Variants in XIRP2 observed in about 807,000 individuals in gnomAD.
The protein encoded by XIRP2 is xin actin-binding repeat-containing protein 2.
A neutral mutation model predicts 277.0 loss-of-function variants in XIRP2; 236 were observed. That is an observed-to-expected ratio of 0.85 (90% CI 0.77 to 0.95). The LOEUF (loss-of-function observed/expected upper bound fraction) is 0.95, where lower values mean the gene tolerates loss of function less well. XIRP2 is among the 40% of genes least tolerant of loss of function. The pLI, the probability that XIRP2 is intolerant of heterozygous loss-of-function variation, is 0.00. For missense variants in XIRP2, 4,640 were observed against 4,157.5 expected, an observed-to-expected ratio of 1.12 and a Z score of -3.19; for synonymous variants, 1,490 against 1,416.5, an observed-to-expected ratio of 1.05 and a Z score of -1.17.
intron 2 of XIRP2, among the ~76,000 whole-genome samples, chr2:167,021,763 TG>T (rs1476070686): frequency 5.3e-5 from 8 of 152,054 alleles, no homozygotes; most frequent in African/African-American, 1.9e-4. Context: ...AGATTGAGGC[TG>T]TGGTGAGCCG....
chr2:167,240,866 G>A, intron 7 of XIRP2, 130 bp downstream of exon 7: 1 of 763,036 alleles, frequency 1.3e-6, no homozygotes. Context: ...TGGTTCCAGG[G>A]AGAGCTGAGT....
At chr2:167,033,497 T>C (rs1265736850) in intron 2 of XIRP2, among the ~76,000 whole-genome samples, 3 of 152,034 alleles carry the variant, frequency 2.0e-5, no homozygotes, top group Non-Finnish European at 2.9e-5. Flanking sequence ...TCTGGAGAAA[T>C]ATATCAATAT....
intron 10 of XIRP2, among the ~76,000 whole-genome samples, chr2:167,255,499 C>G (rs1695630940): frequency 6.6e-6 from 1 of 151,710 alleles, no homozygotes; most frequent in African/African-American, 2.4e-5. Context: ...AATTTCTGCC[C>G]CATAAATACC....
intron 3 of XIRP2, among the ~76,000 whole-genome samples, chr2:167,175,429 A>C (rs1156683476): frequency 6.6e-6 from 1 of 151,716 alleles, no homozygotes; most frequent in Non-Finnish European, 1.5e-5. Context: ...CTGGAGGTCC[A>C]CTCCAGTCCC....
At chr2:167,190,308 G>A (rs79518491) in intron 3 of XIRP2, among the ~76,000 whole-genome samples, 4,339 of 152,084 alleles carry the variant, frequency 0.029, 92 homozygotes, top group African/African-American at 0.052. Context: ...ACATGGGGTT[G>A]AATGTTCTAA....
intron 3 of XIRP2, among the ~76,000 whole-genome samples, chr2:167,162,442 C>G (rs951093450): frequency 1.3e-5 from 2 of 152,102 alleles, no homozygotes; most frequent in Non-Finnish European, 2.9e-5. Flanking sequence ...GTAGAAGACA[C>G]ATATCACACT....
intron 2 of XIRP2, among the ~76,000 whole-genome samples, chr2:166,988,670 G>A (rs1687084179): frequency 9.0e-6 from 1 of 111,294 alleles, no homozygotes; most frequent in Non-Finnish European, 1.8e-5. Context: ...AAGGGGTCAG[G>A]GAGTTCCCTT....
At chr2:166,931,755 C>G (rs867685662) in intron 2 of XIRP2, among the ~76,000 whole-genome samples, 3 of 152,080 alleles carry the variant, frequency 2.0e-5, no homozygotes, top group Admixed American at 1.3e-4. Context: ...TACACATGAA[C>G]TTTTGTGGAC....
intron 1 of XIRP2, among the ~76,000 whole-genome samples, chr2:166,891,602 A>G (rs1442280240): frequency 1.3e-5 from 2 of 152,022 alleles, no homozygotes; most frequent in Admixed American, 6.5e-5. Context: ...GCCAAAACTA[A>G]TTAAAATTTC....
intron 3 of XIRP2, among the ~76,000 whole-genome samples, chr2:167,199,376 C>A (rs1693612907): frequency 6.6e-6 from 1 of 152,178 alleles, no homozygotes; most frequent in Non-Finnish European, 1.5e-5. Context: ...AGCTTAATCT[C>A]CATTACATTA....
At position 167,246,529 on chromosome 2, in the gene XIRP2, G is replaced by A. The variant is rs1695271785; in HGVS notation, c.5137G>A (p.Val1713Ile). 4 of 1,613,700 alleles carry A rather than the reference G, an allele frequency of 2.5e-6. No individual in the cohort carries two copies. The highest frequency in any genetic ancestry group is 3.4e-6 in the Non-Finnish European group (4 of 1,179,794). ...IEREEVIGGD[V>I]KRTIHNLLSS... ...GCGTGAAGAAGTAATAGGTGGTGAT[G>A]TCAAACGTACCATTCATAATTTATT... is the stretch of plus-strand genomic sequence containing the variant. Residue 1713 changes from valine (V) to isoleucine (I), a missense_variant, in exon 9 of 11, where the codon GTC becomes ATC. Val to Ile is a conservative substitution (Grantham distance 29). Transcript: ENST00000409195.
At chr2:167,227,548 A>C (rs1573975020) in intron 5 of XIRP2, among the ~76,000 whole-genome samples, 1 of 152,114 alleles carries the variant, frequency 6.6e-6, no homozygotes, top group African/African-American at 2.4e-5. Context: ...AAAAGAAAAA[A>C]TGTTTTTTAA....
intron 2 of XIRP2, among the ~76,000 whole-genome samples, chr2:167,024,623 A>G (rs1248576232): frequency 2.0e-5 from 3 of 152,040 alleles, no homozygotes; most frequent in African/African-American, 4.8e-5. Flanking sequence ...TTTGAGATAC[A>G]TCCCATCAAT....
At chr2:167,087,394 T>G (rs1372718989) in intron 2 of XIRP2, among the ~76,000 whole-genome samples, 3 of 151,914 alleles carry the variant, frequency 2.0e-5, no homozygotes, top group Non-Finnish European at 4.4e-5. Flanking sequence ...TGCTGTCTTT[T>G]TGTTTGTCTG....
At chr2:167,099,793 G>A (rs1192146831) in intron 2 of XIRP2, among the ~76,000 whole-genome samples, 2 of 152,076 alleles carry the variant, frequency 1.3e-5, no homozygotes, top group Non-Finnish European at 2.9e-5. Flanking sequence ...TCCCGGGTGA[G>A]ATAACACCTT....
chr2:167,234,773 C>A (rs1005573510), intron 5 of XIRP2, among the ~76,000 whole-genome samples: 2 of 151,638 alleles, frequency 1.3e-5, no homozygotes, highest in African/African-American at 4.8e-5. Flanking sequence ...CTCTTCTTTT[C>A]CCTTAATGTT....
intron 2 of XIRP2, among the ~76,000 whole-genome samples, chr2:166,931,926 TTATA>T (rs1176441079): frequency 1.3e-5 from 2 of 152,222 alleles, no homozygotes; most frequent in African/African-American, 4.8e-5. Context: ...CTGACATTAT[TTATA>T]TGTGTATTTT....
intron 2 of XIRP2, among the ~76,000 whole-genome samples, chr2:167,052,450 A>T (rs947167377): frequency 6.6e-6 from 1 of 152,098 alleles, no homozygotes; most frequent in African/African-American, 2.4e-5. Flanking sequence ...CTATTATACC[A>T]TTCATACACT....
chr2:167,086,863 T>G (rs371349118), intron 2 of XIRP2, among the ~76,000 whole-genome samples: 1 of 151,916 alleles, frequency 6.6e-6, no homozygotes, highest in African/African-American at 2.4e-5. Flanking sequence ...TTTCAAAGTT[T>G]TCAACTTCTT....
Sources: gnomAD v4.1 joint callset for allele counts (sites outside exome capture counted in the v4.1 genomes callset) on GRCh38, gnomAD v4.1.1 for gene constraint, MANE v1.5 for transcripts, NCBI Gene and HGNC (gene_info 2026-07-23, HGNC 2026-07-21) for gene names.